CIROP: variants seen among roughly 807,000 people sequenced by gnomAD.
The protein encoded by CIROP is leishmanolysin homolog.
At chr14:23,101,883 G>A in the CIROP span, 1 of 702,454 alleles carries the variant, frequency 1.4e-6, no homozygotes, top group Non-Finnish European at 2.6e-6. Context: ...TCCCACATGT[G>A]GTCACCAAGC....
the CIROP span, chr14:23,102,327 G>A: frequency 2.6e-5 from 18 of 702,200 alleles, no homozygotes; most frequent in African/African-American, 3.0e-4. Context: ...ATCACCCCAA[G>A]GTGTTCTCAT....
chr14:23,104,176 A>C, the CIROP span: 1 of 598,926 alleles, frequency 1.7e-6, no homozygotes, highest in South Asian at 2.0e-5. Context: ...TCTCTTTACT[A>C]TCTCTCTGCG....
At chr14:23,102,939 C>T in the CIROP span, 1 of 598,666 alleles carries the variant, frequency 1.7e-6, no homozygotes, top group Non-Finnish European at 3.0e-6. Context: ...GACGATGTCA[C>T]TGTGGCTGAG....
chr14:23,103,911 T>C, the CIROP span: 1 of 625,630 alleles, frequency 1.6e-6, no homozygotes, highest in East Asian at 2.8e-5. Flanking sequence ...CTTTGGTCTG[T>C]CTTTGTGTTA....
the CIROP span, chr14:23,102,915 G>C: frequency 1.7e-6 from 1 of 604,534 alleles, no homozygotes; most frequent in Non-Finnish European, 2.9e-6. Flanking sequence ...TATTCATCAT[G>C]CAGCAGTCAC....
At chr14:23,100,870 C>T in the CIROP span, 7 of 398,876 alleles carry the variant, frequency 1.8e-5, no homozygotes, top group Admixed American at 8.8e-5. Flanking sequence ...CGCCTTTGCT[C>T]GCCAAAGCCT....
chr14:23,099,743 C>T, the CIROP span: 3 of 283,328 alleles, frequency 1.1e-5, no homozygotes. Context: ...GGGCTTTACC[C>T]TTAAAGATAG....
chr14:23,102,226 T>C, the CIROP span: 1 of 703,006 alleles, frequency 1.4e-6, no homozygotes, highest in Non-Finnish European at 2.6e-6. Flanking sequence ...TAAAGAACCC[T>C]GGAGTAGTCT....
the CIROP span, chr14:23,101,793 C>A: frequency 1.4e-6 from 1 of 702,892 alleles, no homozygotes. Flanking sequence ...TAGAGTGACA[C>A]TAGAATCACT....
At chr14:23,102,868 A>G in the CIROP span, 1 of 618,926 alleles carries the variant, frequency 1.6e-6, no homozygotes, top group Non-Finnish European at 2.9e-6. Flanking sequence ...AAACTGAGTA[A>G]CCTGGCCCCC....
chr14:23,099,526 T>A, the CIROP span: 1 of 411,256 alleles, frequency 2.4e-6, no homozygotes, highest in Non-Finnish European at 4.4e-6. Flanking sequence ...CATGGAATAA[T>A]GCCTAGCCTT....
At chr14:23,102,952 TG>T in the CIROP span, 16 of 596,440 alleles carry the variant, frequency 2.7e-5, no homozygotes, top group African/African-American at 3.0e-4. Context: ...TGGCTGAGGC[TG>T]GGGCTGGTGA....
At chr14:23,103,878 G>C in the CIROP span, 1 of 677,432 alleles carries the variant, frequency 1.5e-6, no homozygotes, top group African/African-American at 1.8e-5. Flanking sequence ...AATTGGGTAT[G>C]AGGAGTAGGG....
At chr14:23,102,932 G>A in the CIROP span, 1 of 599,524 alleles carries the variant, frequency 1.7e-6, no homozygotes, top group East Asian at 2.8e-5. Flanking sequence ...TCACCATGAC[G>A]ATGTCACTGT....
At chr14:23,103,997 G>A in the CIROP span, among the ~76,000 whole-genome samples, 3 of 152,140 alleles carry the variant, frequency 2.0e-5, no homozygotes, top group Admixed American at 6.5e-5. Context: ...GCAGGGAGAG[G>A]AGCTCAAGAA....
At chr14:23,099,072 G>A in the CIROP span, 3 of 384,480 alleles carry the variant, frequency 7.8e-6, no homozygotes, top group Admixed American at 1.4e-4. Flanking sequence ...TTTACAGGTT[G>A]AACAATTTAT....
chr14:23,102,694 A>G, the CIROP span: 29 of 702,806 alleles, frequency 4.1e-5, no homozygotes, highest in Non-Finnish European at 6.2e-5. Context: ...CAAGGCATGG[A>G]GCAATTCATG....
the CIROP span, chr14:23,103,561 G>GCAAGATAAAA: frequency 2.2e-6 from 1 of 463,246 alleles, no homozygotes; most frequent in African/African-American, 3.5e-5. Context: ...GAAAACAAAA[G>GCAAGATAAAA]CAAAATAAAA....
chr14:23,103,704 C>T, the CIROP span: 1 of 702,946 alleles, frequency 1.4e-6, no homozygotes, highest in South Asian at 1.5e-5. Flanking sequence ...GTGTGAGCAA[C>T]TCGCACATAC....
Sources: gnomAD v4.1 joint callset for allele counts (sites outside exome capture counted in the v4.1 genomes callset) on GRCh38, gnomAD v4.1.1 for gene constraint, MANE v1.5 for transcripts, NCBI Gene and HGNC (gene_info 2026-07-23, HGNC 2026-07-21) for gene names.